KCNAB1: variants seen among roughly 807,000 people sequenced by gnomAD.
KCNAB1 encodes voltage-gated potassium channel subunit beta-1.
In KCNAB1, 35 loss-of-function variants were observed where a neutral mutation model predicts 64.6. The ratio of observed to expected loss-of-function variants is 0.54; its 90% confidence interval spans 0.41 to 0.72. The LOEUF is 0.72. KCNAB1 is among the 30% of genes least tolerant of loss of function. KCNAB1 has a pLI of 0.00. For missense variants in KCNAB1, 401 were observed against 512.9 expected (o/e 0.78, Z 2.11); for synonymous variants, 177 against 183.8 (o/e 0.96, Z 0.30).
At chr3:156,398,614 A>T (rs909084362) in intron 1 of KCNAB1, among the ~76,000 whole-genome samples, 6 of 150,382 alleles carry the variant, frequency 4.0e-5, no homozygotes, top group Non-Finnish European at 8.9e-5. Context: ...AAAAACCTAG[A>T]TGATAGGGTT....
intron 2 of KCNAB1, among the ~76,000 whole-genome samples, chr3:156,425,167 T>C (rs1715730302): frequency 6.6e-6 from 1 of 152,204 alleles, no homozygotes; most frequent in African/African-American, 2.4e-5. Flanking sequence ...ACGACCTACG[T>C]TCAACTGAGG....
At chr3:156,507,561 G>C (rs962588594) in intron 8 of KCNAB1, among the ~76,000 whole-genome samples, 1 of 152,210 alleles carries the variant, frequency 6.6e-6, no homozygotes, top group Non-Finnish European at 1.5e-5. Context: ...ATTCTCTGCA[G>C]CTCAGAATAT....
chr3:156,254,750 T>C (rs1718010110), intron 1 of KCNAB1, among the ~76,000 whole-genome samples: 1 of 152,258 alleles, frequency 6.6e-6, no homozygotes, highest in African/African-American at 2.4e-5. Context: ...TTTGACTTCC[T>C]ATCCATCTAA....
chr3:156,428,483 C>T (rs1715974602), intron 2 of KCNAB1, among the ~76,000 whole-genome samples: 2 of 94,308 alleles, frequency 2.1e-5, no homozygotes, highest in South Asian at 3.5e-4. Context: ...CTTATAATTC[C>T]TCTATACACA....
chr3:156,319,381 A>G lies in KCNAB1; in HGVS notation c.276-102235A>G, dbSNP rs568086873. On this transcript the variant is annotated intron_variant, in intron 1 of 13. Transcript: ENST00000490337. ...TCCTTACCCTGGGACCCAAGGTGGCATTGTCCATTGCTGTGGCAGTCTAAT... is the reference window on the plus strand; with the variant it reads ...TCCTTACCCTGGGACCCAAGGTGGCGTTGTCCATTGCTGTGGCAGTCTAAT... Among the ~76,000 whole-genome samples the G allele has an allele frequency of 3.3e-5, 5 of 152,310 alleles. No homozygotes were observed. In the East Asian group the frequency reaches 9.6e-4, roughly 29 times the overall value.
At chr3:156,212,086 C>T (rs1006161495) in intron 1 of KCNAB1, among the ~76,000 whole-genome samples, 3 of 152,076 alleles carry the variant, frequency 2.0e-5, no homozygotes, top group African/African-American at 7.2e-5. Flanking sequence ...TCATGATCCC[C>T]CACCATGTTA....
intron 1 of KCNAB1, among the ~76,000 whole-genome samples, chr3:156,201,159 G>A (rs1490910972): frequency 6.6e-6 from 1 of 152,124 alleles, no homozygotes; most frequent in Non-Finnish European, 1.5e-5. Context: ...TATCTAACCA[G>A]TCCCAATGAG....
chr3:156,176,144 G>C, intron 1 of KCNAB1: 2 of 770,196 alleles, frequency 2.6e-6, no homozygotes, highest in East Asian at 2.4e-5. Flanking sequence ...TCCCAGACAC[G>C]AACTGTATTG....
rs370406569 is a variant in KCNAB1, at chr3:156,356,353, G to A, written c.276-65263G>A. On this transcript the variant is annotated intron_variant, in intron 1 of 13. Coordinates refer to ENST00000490337, the MANE Select transcript of KCNAB1 (RefSeq NM_172160.3). ...AAGAAACACATCAAGTAAGACCAAG[G>A]TGAGACCACAGAAAATAACTTAAAT... 1.9e-4 allele frequency among the ~76,000 whole-genome samples: 29 copies of A among 151,982 alleles called. 2 individuals carry two copies. Among genetic ancestry groups the A allele is most frequent in the Admixed American group, 1.4e-3 (22 of 15,266 alleles).
At chr3:156,503,028 A>G (rs1464744893) in intron 8 of KCNAB1, among the ~76,000 whole-genome samples, 1 of 152,224 alleles carries the variant, frequency 6.6e-6, no homozygotes, top group Non-Finnish European at 1.5e-5. Context: ...ATAGAATTTG[A>G]CATATGCAAT....
chr3:156,511,948 G>A (rs936137097), intron 8 of KCNAB1, among the ~76,000 whole-genome samples: 3 of 152,094 alleles, frequency 2.0e-5, no homozygotes, highest in East Asian at 1.9e-4. Context: ...GGGCCTAGGC[G>A]CATACTACAT....
chr3:156,319,232 G>A (rs757707082), intron 1 of KCNAB1, among the ~76,000 whole-genome samples: 12 of 152,126 alleles, frequency 7.9e-5, no homozygotes, highest in Non-Finnish European at 1.5e-4. Flanking sequence ...TTGTCAGTTA[G>A]AGTAGTCCAG....
intron 2 of KCNAB1, among the ~76,000 whole-genome samples, chr3:156,442,541 T>C (rs1439420219): frequency 1.3e-5 from 2 of 152,092 alleles, no homozygotes; most frequent in African/African-American, 2.4e-5. Flanking sequence ...AAAGAAAATA[T>C]CAAATACCTG....
At position 156,357,777 on chromosome 3, in the gene KCNAB1, G is replaced by A. The variant is rs1233471291; in HGVS notation, c.276-63839G>A. Among the ~76,000 whole-genome samples, 24 of 145,032 alleles carry A rather than the reference G, an allele frequency of 1.7e-4. 2 individuals carry two copies. The highest frequency in any genetic ancestry group is 1.6e-3 in the Admixed American group (24 of 14,574). On this transcript the variant is annotated intron_variant, in intron 1 of 13. Transcript: ENST00000490337. ...CTTATCAATATATCATAATGTAAAAGGTATTATTTTATATTTTTATACTAA... is the reference window on the plus strand; with the variant it reads ...CTTATCAATATATCATAATGTAAAAAGTATTATTTTATATTTTTATACTAA...
intron 1 of KCNAB1, among the ~76,000 whole-genome samples, chr3:156,407,942 G>A (rs760016405): frequency 2.0e-5 from 3 of 152,150 alleles, no homozygotes; most frequent in South Asian, 2.1e-4. Flanking sequence ...TTACCCCGTT[G>A]TTTCTGGCTG....
intron 1 of KCNAB1, among the ~76,000 whole-genome samples, chr3:156,199,074 T>C (rs1031545840): frequency 3.3e-5 from 5 of 152,034 alleles, no homozygotes; most frequent in African/African-American, 1.2e-4. Context: ...CCTTCACTTA[T>C]GAAGCTTAGT....
At chr3:156,423,823 A>G (rs1292350800) in intron 2 of KCNAB1, among the ~76,000 whole-genome samples, 1 of 152,208 alleles carries the variant, frequency 6.6e-6, no homozygotes, top group Non-Finnish European at 1.5e-5. Context: ...AGAGTCAGGA[A>G]AATGAGCCAG....
chr3:156,121,029 A>G (rs1423892490), intron 1 of KCNAB1, 143 bp downstream of exon 1: 1 of 970,670 alleles, frequency 1.0e-6, no homozygotes, highest in Non-Finnish European at 1.5e-6. Flanking sequence ...AGAATGTGTA[A>G]CCACAAAGAG....
chr3:156,425,615 T>C (rs1715763479), intron 2 of KCNAB1, among the ~76,000 whole-genome samples: 1 of 152,216 alleles, frequency 6.6e-6, no homozygotes, highest in Non-Finnish European at 1.5e-5. Context: ...AACTGCCTTA[T>C]GAGAGAAAAA....
Sources: allele counts gnomAD v4.1 joint callset (sites outside exome capture counted in the v4.1 genomes callset), GRCh38; gene constraint gnomAD v4.1.1; transcripts MANE v1.5; gene names NCBI Gene and HGNC (gene_info 2026-07-23, HGNC 2026-07-21).